ZNF536: variants seen among roughly 807,000 people sequenced by gnomAD.
The protein encoded by ZNF536 is zinc finger protein 536.
In ZNF536, 13 loss-of-function variants were observed where a neutral mutation model predicts 84.5. The observed-to-expected ratio is 0.15, with a 90% CI of 0.10 to 0.24. ZNF536 has a LOEUF of 0.24. Among genes scored for constraint, ZNF536 ranks in the 10% least tolerant of loss-of-function variants. ZNF536 has a pLI of 1.00. For missense variants in ZNF536, 1,536 were observed against 1,747.5 expected (o/e 0.88, Z 2.16); for synonymous variants, 811 against 742.5 (o/e 1.09, Z -1.50).
chr19:30,273,620 G>T (rs1020696089), intron 1 of ZNF536, among the ~76,000 whole-genome samples: 1 of 152,026 alleles, frequency 6.6e-6, no homozygotes, highest in Non-Finnish European at 1.5e-5. Flanking sequence ...AGAGTTCTTC[G>T]CATATTTCAG....
chr19:30,252,201 A>G (rs1465947312), intron 1 of ZNF536, among the ~76,000 whole-genome samples: 1 of 152,234 alleles, frequency 6.6e-6, no homozygotes, highest in Admixed American at 6.5e-5. Context: ...AAAATGCTCA[A>G]CATCACTAAT....
At chr19:30,382,829 G>A (rs2049075810) in intron 1 of ZNF536, among the ~76,000 whole-genome samples, 1 of 152,168 alleles carries the variant, frequency 6.6e-6, no homozygotes, top group Admixed American at 6.5e-5. Flanking sequence ...GAAGCACACA[G>A]GTGTTAACTG....
At chr19:30,236,531 G>T (rs556458540) in intron 1 of ZNF536, among the ~76,000 whole-genome samples, 2 of 139,194 alleles carry the variant, frequency 1.4e-5, no homozygotes, top group South Asian at 2.2e-4. Context: ...AGTTGGGGCG[G>T]GGGGGGGGTA....
At chr19:30,625,904 A>T (rs888657003) in intron 1 of ZNF536, among the ~76,000 whole-genome samples, 6 of 151,526 alleles carry the variant, frequency 4.0e-5, no homozygotes, top group Admixed American at 1.3e-4. Flanking sequence ...ATCCTTGATT[A>T]AAAAAAAATG....
At chr19:30,529,011 G>A (rs2044699799) in intron 2 of ZNF536, among the ~76,000 whole-genome samples, 1 of 151,878 alleles carries the variant, frequency 6.6e-6, no homozygotes, top group African/African-American at 2.4e-5. Flanking sequence ...TCTAGTCCTC[G>A]TGGGTCAGAT....
At chr19:30,708,405 G>T (rs2052334156) in intron 1 of ZNF536, among the ~76,000 whole-genome samples, 1 of 152,198 alleles carries the variant, frequency 6.6e-6, no homozygotes, top group Non-Finnish European at 1.5e-5. Flanking sequence ...GGAATGGAAG[G>T]GTGTTTTAGG....
At chr19:30,450,075 ATTTT>A (rs34039352) in intron 2 of ZNF536, among the ~76,000 whole-genome samples, 16 of 131,842 alleles carry the variant, frequency 1.2e-4, no homozygotes, top group African/African-American at 2.3e-4. Context: ...TAAGATCTTC[ATTTT>A]TTTTTTTTTT....
At chr19:30,345,240 G>T (rs1475566646) in intron 2 of ZNF536, among the ~76,000 whole-genome samples, 1 of 100,228 alleles carries the variant, frequency 1.0e-5, no homozygotes, top group East Asian at 5.8e-4. Context: ...ACGCCCCGGG[G>T]GCTCCCCCCA....
At chr19:30,322,744 A>G (rs2046898344) in intron 2 of ZNF536, among the ~76,000 whole-genome samples, 1 of 150,740 alleles carries the variant, frequency 6.6e-6, no homozygotes, top group Non-Finnish European at 1.5e-5. Context: ...ACTCTTCATG[A>G]GCCCTCCATT....
downstream of ZNF536, among the ~76,000 whole-genome samples, chr19:30,561,715 G>T (rs763803520): frequency 6.6e-6 from 1 of 152,148 alleles, no homozygotes; most frequent in Non-Finnish European, 1.5e-5. Context: ...AAGGAGCCGG[G>T]GTATTTACAC....
At chr19:30,297,903 T>A (rs1228276597) in intron 2 of ZNF536, among the ~76,000 whole-genome samples, 4 of 126,380 alleles carry the variant, frequency 3.2e-5, no homozygotes, top group African/African-American at 1.2e-4. Flanking sequence ...CAAGACGGAG[T>A]CCCCCCCCCC....
upstream of ZNF536, among the ~76,000 whole-genome samples, chr19:30,368,557 T>C (rs2048511466): frequency 6.6e-6 from 1 of 152,236 alleles, no homozygotes; most frequent in Non-Finnish European, 1.5e-5. Flanking sequence ...CCATGGGGAA[T>C]GTGGGTTTAA....
chr19:30,674,729 G>T (rs1475524853), intron 1 of ZNF536, among the ~76,000 whole-genome samples: 1 of 152,200 alleles, frequency 6.6e-6, no homozygotes, highest in Non-Finnish European at 1.5e-5. Flanking sequence ...TGTCCAGCTT[G>T]CCTCTGTAGC....
intron 2 of ZNF536, among the ~76,000 whole-genome samples, chr19:30,468,862 C>T (rs1470193144): frequency 6.6e-6 from 1 of 152,050 alleles, no homozygotes; most frequent in South Asian, 2.1e-4. Context: ...GGTGCAGGTG[C>T]AGAGAGGGAT....
At chr19:30,306,188 G>T (rs1026222554) in intron 2 of ZNF536, among the ~76,000 whole-genome samples, 12 of 138,784 alleles carry the variant, frequency 8.6e-5, no homozygotes, top group African/African-American at 2.7e-4. Flanking sequence ...TCCCTGGAGA[G>T]AATTTTTTTT....
chr19:30,657,790 T>C (rs1052736462), intron 1 of ZNF536, among the ~76,000 whole-genome samples: 2 of 152,216 alleles, frequency 1.3e-5, no homozygotes, highest in Admixed American at 6.5e-5. Flanking sequence ...CTCTCTCCAG[T>C]CCACCAGAAA....
chr19:30,463,602 C>A (rs1482606640), intron 2 of ZNF536, among the ~76,000 whole-genome samples: 1 of 152,184 alleles, frequency 6.6e-6, no homozygotes, highest in Non-Finnish European at 1.5e-5. Context: ...TAGAGCACAG[C>A]AGATGTCAGG....
chr19:30,281,004 TG>T (rs1367158452), intron 1 of ZNF536, among the ~76,000 whole-genome samples: 1 of 152,068 alleles, frequency 6.6e-6, no homozygotes, highest in Non-Finnish European at 1.5e-5. Context: ...TTCACAGGGA[TG>T]GGGGTGTGTG....
rs200531145 is a variant in ZNF536, at chr19:30,406,422, T to C, written c.-3+33866T>C. Among the ~76,000 whole-genome samples, 14 of 152,162 alleles carry C rather than the reference T, an allele frequency of 9.2e-5. No homozygotes were observed. The East Asian group carries it at 2.7e-3, about 30-fold the overall frequency. On this transcript the variant is annotated intron_variant, in intron 1 of 4. Coordinates refer to ENST00000355537, the MANE Select transcript of ZNF536 (RefSeq NM_014717.3). ...GGTTCTGAAGGTGTTTTCTTTGAAA[T>C]CCACACCGCTTTACTCCAGGCCAAC...
Sources: allele counts gnomAD v4.1 joint callset (sites outside exome capture counted in the v4.1 genomes callset), GRCh38; gene constraint gnomAD v4.1.1; transcripts MANE v1.5; gene names NCBI Gene and HGNC (gene_info 2026-07-23, HGNC 2026-07-21).